Variants in STK3 observed in about 807,000 individuals in gnomAD.
STK3 encodes the protein serine/threonine kinase 3, also known as serine/threonine-protein kinase 3.
In STK3, 41 loss-of-function variants were observed where a neutral mutation model predicts 58.0. The observed-to-expected ratio is 0.71, with a 90% CI of 0.55 to 0.92. STK3 has a LOEUF of 0.92. Ranked by LOEUF, STK3 falls within the 40% of genes least tolerant of loss-of-function variation. The pLI, the probability that STK3 is intolerant of heterozygous loss-of-function variation, is 0.00. For missense variants in STK3, 479 were observed against 602.7 expected, an observed-to-expected ratio of 0.79 and a Z score of 2.15; for synonymous variants, 170 against 191.0, an observed-to-expected ratio of 0.89 and a Z score of 0.91.
At chr8:98,445,141 T>G (rs772706342) in intron 1 of STK3, among the ~76,000 whole-genome samples, 1 of 152,226 alleles carries the variant, frequency 6.6e-6, no homozygotes, top group East Asian at 1.9e-4. Context: ...TATTCAGAGT[T>G]CTGCAACCAT....
chr8:98,531,802 T>C (rs906304654), intron 9 of STK3, among the ~76,000 whole-genome samples: 1 of 152,224 alleles, frequency 6.6e-6, no homozygotes, highest in Admixed American at 6.5e-5. Flanking sequence ...CTGCTTCACT[T>C]TGTACTTGTA....
At chr8:98,628,819 C>CAAAAAA (rs10571679) in intron 6 of STK3, among the ~76,000 whole-genome samples, 1 of 64,148 alleles carries the variant, frequency 1.6e-5, no homozygotes, top group Non-Finnish European at 2.8e-5. Flanking sequence ...CTCCACACTC[C>CAAAAAA]AAAAAAAAAA....
At chr8:98,467,336 T>G (rs975855879) in intron 10 of STK3, among the ~76,000 whole-genome samples, 107 of 152,202 alleles carry the variant, frequency 7.0e-4, no homozygotes, top group African/African-American at 2.4e-3. Flanking sequence ...ACATAGTAGG[T>G]GCTTAATCAA....
intron 7 of STK3, among the ~76,000 whole-genome samples, chr8:98,588,860 G>C (rs1223586885): frequency 6.6e-6 from 1 of 151,118 alleles, no homozygotes; most frequent in South Asian, 2.1e-4. Flanking sequence ...ATCTTCCATT[G>C]CTGATACCCT....
At chr8:98,881,570 T>G (rs1253234273), downstream of STK3, 3 of 152,146 alleles carry the variant, frequency 2.0e-5, no homozygotes, top group Non-Finnish European at 4.4e-5. Context: ...TCATAACAAA[T>G]GTAACATACT....
rs180762911 is a variant in STK3, at chr8:98,553,737, T to G, written c.949-5576A>C. On this transcript the variant is annotated intron_variant, in intron 8 of 10. Coordinates refer to ENST00000419617, the MANE Select transcript of STK3 (RefSeq NM_006281.4). ...TCGACACTTTGGGAGGCCGAGGTGGTTGGATCACCTGATGGCAGGATTTCA... is the reference window on the plus strand; with the variant it reads ...TCGACACTTTGGGAGGCCGAGGTGGGTGGATCACCTGATGGCAGGATTTCA... Among the ~76,000 whole-genome samples, 1,398 of 152,152 alleles carry G rather than the reference T, an allele frequency of 9.2e-3. 17 individuals are homozygous for G. Among genetic ancestry groups the G allele is most frequent in the African/African-American group, 0.032 (1,321 of 41,540 alleles).
At chr8:98,411,991 G>A (rs1043439316) in intron 3 of STK3, among the ~76,000 whole-genome samples, 1 of 152,164 alleles carries the variant, frequency 6.6e-6, no homozygotes, top group Non-Finnish European at 1.5e-5. Context: ...CACATCAACA[G>A]AGGGAATTCA....
chr8:98,555,765 A>G (rs1490237765), intron 8 of STK3, among the ~76,000 whole-genome samples: 1 of 152,180 alleles, frequency 6.6e-6, no homozygotes, highest in Non-Finnish European at 1.5e-5. Context: ...ACAGCAAACA[A>G]TAAATGTAAC....
At chr8:98,548,726 T>A (rs1277596713) in intron 8 of STK3, among the ~76,000 whole-genome samples, 27 of 152,132 alleles carry the variant, frequency 1.8e-4, no homozygotes, top group Non-Finnish European at 1.2e-4. Flanking sequence ...TCATTCCCCC[T>A]TTCCCCAGCC....
chr8:98,618,336 G>C (rs1418929134), intron 6 of STK3, among the ~76,000 whole-genome samples: 2 of 149,386 alleles, frequency 1.3e-5, no homozygotes, highest in African/African-American at 4.9e-5. Context: ...AGCTATCTAT[G>C]ACAAACCCAC....
intron 6 of STK3, among the ~76,000 whole-genome samples, chr8:98,623,276 T>C (rs960244508): frequency 6.6e-6 from 1 of 152,004 alleles, no homozygotes; most frequent in Non-Finnish European, 1.5e-5. Flanking sequence ...AGTATAGATA[T>C]TGACTGTTAC....
intron 2 of STK3, among the ~76,000 whole-genome samples, chr8:98,771,828 C>A (rs529829460): frequency 6.6e-6 from 1 of 152,300 alleles, no homozygotes; most frequent in Admixed American, 6.5e-5. Flanking sequence ...CTCAAGTGAT[C>A]CACCCACCTC....
At chr8:98,860,063 G>C (rs1425374440) in intron 3 of STK3, among the ~76,000 whole-genome samples, 1 of 152,182 alleles carries the variant, frequency 6.6e-6, no homozygotes, top group African/African-American at 2.4e-5. Context: ...AACATGTATT[G>C]AGTACCACTA....
intron 1 of STK3, among the ~76,000 whole-genome samples, chr8:98,804,148 T>C (rs1302125643): frequency 6.6e-6 from 1 of 152,058 alleles, no homozygotes; most frequent in Admixed American, 6.6e-5. Context: ...ATTACAGGTG[T>C]ACACCACCAC....
intron 6 of STK3, among the ~76,000 whole-genome samples, chr8:98,654,537 G>A (rs532118319): frequency 9.9e-5 from 15 of 152,066 alleles, no homozygotes; most frequent in African/African-American, 2.9e-4. Flanking sequence ...AAAGAGGAAG[G>A]CAAATTGTCC....
chr8:98,561,912 T>A (rs761277729), intron 8 of STK3, among the ~76,000 whole-genome samples: 2 of 152,132 alleles, frequency 1.3e-5, no homozygotes, highest in Non-Finnish European at 2.9e-5. Flanking sequence ...TATAAAAAGA[T>A]GCCCGACATC....
At chr8:98,577,482 G>A (rs1813506411) in intron 8 of STK3, among the ~76,000 whole-genome samples, 3 of 152,090 alleles carry the variant, frequency 2.0e-5, no homozygotes, top group African/African-American at 7.2e-5. Context: ...ACGAGACTCG[G>A]TCTCAAAAAC....
intron 1 of STK3, among the ~76,000 whole-genome samples, chr8:98,824,834 A>C (rs1835148496): frequency 6.6e-6 from 1 of 152,256 alleles, no homozygotes; most frequent in Non-Finnish European, 1.5e-5. Context: ...AAAATGAAAG[A>C]CTGAGGTTAA....
intron 1 of STK3, among the ~76,000 whole-genome samples, chr8:98,885,816 T>G (rs1218328872): frequency 2.6e-5 from 4 of 152,222 alleles, no homozygotes; most frequent in African/African-American, 9.6e-5. Flanking sequence ...TCAAATGTCC[T>G]TCAGTTGGGT....
Sources: allele counts gnomAD v4.1 joint callset (sites outside exome capture counted in the v4.1 genomes callset), GRCh38; gene constraint gnomAD v4.1.1; transcripts MANE v1.5; gene names NCBI Gene and HGNC (gene_info 2026-07-23, HGNC 2026-07-21).